Variants in PDZK1 observed in about 807,000 individuals in gnomAD.
The protein encoded by PDZK1 is Na(+)/H(+) exchange regulatory cofactor NHE-RF3.
Under a neutral mutation model 38.1 loss-of-function variants are expected in PDZK1, and 23 were observed. That is an observed-to-expected ratio of 0.60 (90% CI 0.43 to 0.85). PDZK1 has a LOEUF of 0.85. Among genes scored for constraint, PDZK1 ranks in the 40% least tolerant of loss-of-function variants. The probability of loss-of-function intolerance (pLI) is 0.00; values close to 1 mark genes in which losing one functional copy is unlikely to be tolerated. For missense variants in PDZK1, 297 were observed against 504.3 expected, an observed-to-expected ratio of 0.59 and a Z score of 3.94; for synonymous variants, 98 against 186.2, an observed-to-expected ratio of 0.53 and a Z score of 3.86.
At chr1:145,686,106 T>G (rs147931923) in intron 3 of PDZK1, among the ~76,000 whole-genome samples, 1 of 152,190 alleles carries the variant, frequency 6.6e-6, no homozygotes, top group Non-Finnish European at 1.5e-5. Context: ...AAGAATCTCA[T>G]TTTTCTTGCC....
intron 3 of PDZK1, among the ~76,000 whole-genome samples, chr1:145,683,185 C>T (rs1201348942): frequency 6.6e-6 from 1 of 152,228 alleles, no homozygotes; most frequent in Non-Finnish European, 1.5e-5. Context: ...GCTAACTCGG[C>T]CTTTGGCTTC....
At chr1:145,690,074 G>GGAGA (rs1248556302) in intron 1 of PDZK1, among the ~76,000 whole-genome samples, 1 of 152,168 alleles carries the variant, frequency 6.6e-6, no homozygotes, top group East Asian at 1.9e-4. Flanking sequence ...CAGCACCTTG[G>GGAGA]GAGAGCTAGG....
At chr1:145,692,875 CA>C (rs1207975987) in intron 1 of PDZK1, among the ~76,000 whole-genome samples, 221 of 140,848 alleles carry the variant, frequency 1.6e-3, no homozygotes, top group African/African-American at 1.6e-3. Context: ...TCCTAAAATT[CA>C]AAAAAAAAAA....
Position 145,671,408 on chromosome 1 carries a change from A to T in PDZK1, c.*28T>A. 6.2e-7 allele frequency: 1 copy of T among 1,602,336 alleles called. No individual in the cohort carries two copies. Among genetic ancestry groups the T allele is most frequent in the Non-Finnish European group, 8.5e-7 (1 of 1,173,840 alleles). On this transcript the variant is annotated 3_prime_UTR_variant, in exon 9 of 9. Coordinates refer to ENST00000417171, the MANE Select transcript of PDZK1 (RefSeq NM_001201325.2). Reference sequence around the variant, plus strand: ...AAATACCCAGAAACAGCTATCAAATAAACAGCCAAAGCTATTACTTGTTTT... The same window carrying T: ...AAATACCCAGAAACAGCTATCAAATTAACAGCCAAAGCTATTACTTGTTTT...
chr1:145,697,715 G>A (rs1655711999), intron 1 of PDZK1, among the ~76,000 whole-genome samples: 1 of 145,430 alleles, frequency 6.9e-6, no homozygotes, highest in Non-Finnish European at 1.5e-5. Context: ...CTCCTGCTCA[G>A]CCTCCTGAGT....
At chr1:145,679,404 A>G (rs2101884380) in intron 5 of PDZK1, among the ~76,000 whole-genome samples, 1 of 152,196 alleles carries the variant, frequency 6.6e-6, no homozygotes, top group Non-Finnish European at 1.5e-5. Flanking sequence ...TATCTAGACG[A>G]TTGCTAAGTC....
chr1:145,679,858 G>T (rs1257529940), intron 5 of PDZK1, among the ~76,000 whole-genome samples: 2 of 152,170 alleles, frequency 1.3e-5, no homozygotes, highest in Non-Finnish European at 2.9e-5. Context: ...AAGTCCCCTT[G>T]TCACCTCTCT....
chr1:145,687,672 G>A (rs1654907940), intron 2 of PDZK1, 140 bp downstream of exon 2: 1 of 697,834 alleles, frequency 1.4e-6, no homozygotes, highest in Middle Eastern at 3.8e-4. Context: ...CCAACACAAG[G>A]TACAGCAATA....
At chr1:145,701,063 G>T (rs1463989902) in intron 1 of PDZK1, among the ~76,000 whole-genome samples, 1 of 151,942 alleles carries the variant, frequency 6.6e-6, no homozygotes, top group Non-Finnish European at 1.5e-5. Context: ...AAATCAGCTG[G>T]GTGTGGTGGC....
At chr1:145,692,218 T>G (rs1553703397) in intron 1 of PDZK1, among the ~76,000 whole-genome samples, 1 of 152,096 alleles carries the variant, frequency 6.6e-6, no homozygotes, top group East Asian at 1.9e-4. Flanking sequence ...AAATAGCTGG[T>G]GGGACCTAGG....
intron 6 of PDZK1, among the ~76,000 whole-genome samples, chr1:145,677,910 T>TAAAAAAAAAA (rs71077285): frequency 5.8e-5 from 4 of 68,598 alleles, no homozygotes; most frequent in Admixed American, 2.0e-4. Context: ...GTGTTAAAAG[T>TAAAAAAAAAA]AAAAAAAAAA....
chr1:145,688,148 A>G lies in PDZK1; in HGVS notation c.-2-125T>C, dbSNP rs1242226354. The G allele has an allele frequency of 7.4e-6, 6 of 810,640 alleles. No individual in the cohort carries two copies. In the African/African-American group the frequency reaches 8.6e-5, roughly 12 times the overall value. 50.2% of individuals were successfully genotyped at this position (810,640 alleles called of 1,614,324 possible). A position where few individuals can be genotyped will look rare whatever the true frequency, so the allele number is the denominator to read the frequency against. ...CCAAATCTAGACTGCTTGGGTAGTA[A>G]TGCTGGGGGCACAGGAGGACACCTT... On this transcript the variant is annotated intron_variant, in intron 1 of 8. Transcript: ENST00000417171.
chr1:145,703,989 C>T (rs183541127), intron 1 of PDZK1, among the ~76,000 whole-genome samples: 195 of 152,188 alleles, frequency 1.3e-3, no homozygotes, highest in African/African-American at 4.5e-3. Context: ...CCACCACACC[C>T]GGCTACTTTT....
In PDZK1 at chr1:145,672,898, A is replaced by C. The variant is rs1238007765; in HGVS notation, c.1338T>G (p.Ser446Arg). 19 of 1,607,406 alleles carry C rather than the reference A, an allele frequency of 1.2e-5. No homozygotes were observed. The highest frequency in any genetic ancestry group is 1.6e-5 in the Non-Finnish European group (19 of 1,176,422). Residue 446 changes from serine (S) to arginine (R), a missense_variant, in exon 8 of 9, where the codon AGT becomes AGG. Ser to Arg is a moderately radical substitution (Grantham distance 110). Transcript: ENST00000417171. The stretch of plus-strand genomic sequence containing the variant: ...AGACTAGAAGTGTGACATTCTTCCC[A>C]CTGCTCTGGATTCTATCCACCACCT... The part of the protein sequence containing the change: ...YEKVVDRIQS[S>R]GKNVTLLVCG...
chr1:145,692,597 A>G (rs1027185707), intron 1 of PDZK1, among the ~76,000 whole-genome samples: 6 of 151,732 alleles, frequency 4.0e-5, no homozygotes, highest in African/African-American at 9.7e-5. Context: ...TGTAATCCCA[A>G]CTACTCGGGA....
In PDZK1 at chr1:145,682,546, T is replaced by C. The variant is rs1654365540; in HGVS notation, c.551A>G (p.Asn184Ser). 4.4e-6 allele frequency: 7 copies of C among 1,606,550 alleles called. No individual in the cohort carries two copies. The highest frequency in any genetic ancestry group is 2.2e-4 in the Middle Eastern group (1 of 4,450). Residue 184 changes from asparagine (N) to serine (S), a missense_variant, in exon 4 of 9, where the codon AAT (asparagine) becomes AGT (serine). By Grantham distance (46) the Asn-to-Ser change is conservative. This residue lies in a region of PDZK1 where 35 missense variants were observed against 73.9 expected (regional missense o/e 0.47). Transcript: ENST00000417171. ...VLADDHLIEV[N>S]GENVEDASHE... ...GCTGGCATCCTCTACATTCTCTCCATTCACTTCAATCAAGTGATCATCAGC... is the reference window on the plus strand; with the variant it reads ...GCTGGCATCCTCTACATTCTCTCCACTCACTTCAATCAAGTGATCATCAGC...
chr1:145,696,286 C>G (rs1398597456), intron 1 of PDZK1, among the ~76,000 whole-genome samples: 1 of 152,172 alleles, frequency 6.6e-6, no homozygotes, highest in African/African-American at 2.4e-5. Context: ...AACTGATAAC[C>G]CTGGCTCAGT....
chr1:145,698,230 T>A (rs1283842757), intron 1 of PDZK1, among the ~76,000 whole-genome samples: 1 of 151,964 alleles, frequency 6.6e-6, no homozygotes, highest in Non-Finnish European at 1.5e-5. Flanking sequence ...GAGGAAAAGC[T>A]GCTGCTTTTC....
At chr1:145,694,165 G>A (rs1655479013) in intron 1 of PDZK1, among the ~76,000 whole-genome samples, 1 of 152,166 alleles carries the variant, frequency 6.6e-6, no homozygotes, top group South Asian at 2.1e-4. Context: ...CTAGGGGATT[G>A]CTCCCCACCT....
Sources: gnomAD v4.1 joint callset for allele counts (sites outside exome capture counted in the v4.1 genomes callset) on GRCh38, gnomAD v4.1.1 for gene constraint, gnomAD v4.1.1 regional missense constraint, MANE v1.5 for transcripts, NCBI Gene and HGNC (gene_info 2026-07-23, HGNC 2026-07-21) for gene names.